Variants in FAT3 observed in about 807,000 individuals in gnomAD.
FAT3 encodes the protein FAT atypical cadherin 3, also known as protocadherin Fat 3.
FAT3 carries 95 observed loss-of-function variants against 310.2 expected under a neutral mutation model. That is an observed-to-expected ratio of 0.31 (90% CI 0.26 to 0.36). FAT3 has a LOEUF of 0.36. FAT3 is among the 10% of genes least tolerant of loss of function. The pLI is 1.00. For synonymous variants in FAT3, 2,314 were observed against 2,192.9 expected (o/e 1.06, Z -1.54); for missense variants, 5,408 against 5,715.6 (o/e 0.95, Z 1.74).
Position 92,798,198 on chromosome 11 carries a change from C to A in FAT3, c.5185C>A (p.Leu1729Met). The change falls in exon 10 of 28, where the codon CTG becomes ATG. Residue 1729 changes from leucine to methionine, a missense_variant. Coordinates refer to ENST00000525166, the MANE Select transcript of FAT3 (RefSeq NM_001367949.2). ...YSGVITTQKA[L>M]DYERTSSYQL... ...TGGAGTCATCACCACTCAGAAGGCC[C>A]TGGATTATGAGCGCACATCCTCTTA... 6.2e-7 allele frequency: 1 copy of A among 1,613,924 alleles called. No individual in the cohort carries two copies. Among genetic ancestry groups the A allele is most frequent in the Non-Finnish European group, 8.5e-7 (1 of 1,179,856 alleles).
intron 3 of FAT3, among the ~76,000 whole-genome samples, chr11:92,687,115 G>T (rs957726217): frequency 2.0e-5 from 3 of 152,076 alleles, no homozygotes; most frequent in Non-Finnish European, 4.4e-5. Context: ...GGCTATTAGG[G>T]TTTTTAATAA....
Position 92,716,428 on chromosome 11 carries a change from T to C in FAT3, c.3669+18983T>C, listed in dbSNP as rs542489289. ...ATATGAGCTGAGGACTGATCTACTC[T>C]TGACTTGTGCTTTGAGTTTCCAGTG... On this transcript the variant is annotated intron_variant, in intron 4 of 27. Coordinates refer to ENST00000525166, the MANE Select transcript of FAT3 (RefSeq NM_001367949.2). 1.4e-3 allele frequency among the ~76,000 whole-genome samples: 218 copies of C among 152,288 alleles called. 1 individual carries two copies. The highest frequency in any genetic ancestry group is 5.0e-3 in the African/African-American group (206 of 41,554).
At chr11:92,687,825 G>A (rs1419261845) in intron 3 of FAT3, among the ~76,000 whole-genome samples, 1 of 152,076 alleles carries the variant, frequency 6.6e-6, no homozygotes, top group Admixed American at 6.5e-5. Context: ...AAGTGAAATT[G>A]TAGCTGATGG....
intron 3 of FAT3, among the ~76,000 whole-genome samples, chr11:92,541,230 G>A (rs1028465004): frequency 6.6e-6 from 1 of 152,140 alleles, no homozygotes; most frequent in Non-Finnish European, 1.5e-5. Flanking sequence ...AAGCATGTGT[G>A]TACTTTATAC....
At chr11:92,591,887 G>C (rs1219897236) in intron 3 of FAT3, among the ~76,000 whole-genome samples, 1 of 152,032 alleles carries the variant, frequency 6.6e-6, no homozygotes, top group Non-Finnish European at 1.5e-5. Flanking sequence ...GACTACCTAG[G>C]CATTTATTCA....
At chr11:92,884,304 C>G (rs765094474) in intron 24 of FAT3, among the ~76,000 whole-genome samples, 8 of 152,140 alleles carry the variant, frequency 5.3e-5, no homozygotes, top group Non-Finnish European at 1.2e-4. Flanking sequence ...CTGGCTCTGG[C>G]TGATCCTAGG....
At chr11:92,624,144 C>T (rs530969975) in intron 3 of FAT3, among the ~76,000 whole-genome samples, 1 of 152,274 alleles carries the variant, frequency 6.6e-6, no homozygotes, top group African/African-American at 2.4e-5. Context: ...ACTATGGGAG[C>T]AGTTCAAGAA....
At chr11:92,428,206 G>A (rs1950678615) in intron 2 of FAT3, among the ~76,000 whole-genome samples, 1 of 151,286 alleles carries the variant, frequency 6.6e-6, no homozygotes, top group Admixed American at 6.6e-5. Context: ...TATTTCTGTG[G>A]GATCAGTGGT....
At chr11:92,850,592 T>C (rs1374269550) in intron 19 of FAT3, among the ~76,000 whole-genome samples, 1 of 152,220 alleles carries the variant, frequency 6.6e-6, no homozygotes, top group Non-Finnish European at 1.5e-5. Context: ...TATTGACTTA[T>C]GTGGCATTTG....
Position 92,801,641 on chromosome 11 carries a change from T to G in FAT3, c.8628T>G (p.Ser2876Arg). Residue 2876 changes from serine (S) to arginine (R), a missense_variant, in exon 10 of 28, where the codon AGT becomes AGG. Ser to Arg is a moderately radical substitution (Grantham distance 110, BLOSUM62 -1). Transcript: ENST00000525166. ...TTGACAGCAACACGGGCTGGATCAG[T>G]ACCTTGAAGGACCTAGATCACGAGA... is the stretch of plus-strand genomic sequence containing the variant. The part of the protein sequence containing the change: ...FNIDSNTGWI[S>R]TLKDLDHETD... 1 of 1,613,814 alleles carries G rather than the reference T, an allele frequency of 6.2e-7. No individual in the cohort carries two copies. The highest frequency in any genetic ancestry group is 1.1e-5 in the South Asian group (1 of 91,054).
intron 3 of FAT3, among the ~76,000 whole-genome samples, chr11:92,661,114 T>C (rs944560726): frequency 6.6e-6 from 1 of 152,124 alleles, no homozygotes; most frequent in African/African-American, 2.4e-5. Context: ...TTGGTAGTGT[T>C]GGAAATGGCT....
At chr11:92,610,757 C>T (rs748170736) in intron 3 of FAT3, among the ~76,000 whole-genome samples, 6 of 152,192 alleles carry the variant, frequency 3.9e-5, no homozygotes, top group African/African-American at 7.2e-5. Flanking sequence ...CTTCCCCTCA[C>T]TCCTACAAGC....
chr11:92,721,394 A>T (rs1414740747), intron 4 of FAT3, among the ~76,000 whole-genome samples: 1 of 152,214 alleles, frequency 6.6e-6, no homozygotes, highest in African/African-American at 2.4e-5. Context: ...TACACATTAA[A>T]CAGGTGAACT....
chr11:92,767,251 C>CA (rs572259436), intron 6 of FAT3, among the ~76,000 whole-genome samples: 1,522 of 58,518 alleles, frequency 0.026, 9 homozygotes, highest in Middle Eastern at 0.048. Flanking sequence ...GACTCTGTCT[C>CA]AAAAAAAAAA....
At chr11:92,696,749 T>C (rs191118862) in intron 3 of FAT3, among the ~76,000 whole-genome samples, 1 of 152,274 alleles carries the variant, frequency 6.6e-6, no homozygotes, top group East Asian at 1.9e-4. Context: ...CTCAAAGGGG[T>C]GATTCACTTA....
intron 4 of FAT3, among the ~76,000 whole-genome samples, chr11:92,703,331 T>C (rs1002480916): frequency 6.6e-6 from 1 of 152,248 alleles, no homozygotes; most frequent in Non-Finnish European, 1.5e-5. Context: ...AGAGAAGAAC[T>C]GCAGGCTCAT....
chr11:92,783,660 C>T (rs1005268152), intron 7 of FAT3, among the ~76,000 whole-genome samples: 2 of 151,684 alleles, frequency 1.3e-5, no homozygotes, highest in Non-Finnish European at 2.9e-5. Flanking sequence ...AAAAATTAGC[C>T]GGGCCTGGTG....
chr11:92,692,778 A>G (rs1226550171), intron 3 of FAT3, among the ~76,000 whole-genome samples: 1 of 152,216 alleles, frequency 6.6e-6, no homozygotes, highest in African/African-American at 2.4e-5. Flanking sequence ...GTCGCTCACA[A>G]AGCTGATAAT....
At chr11:92,480,286 C>T (rs1952184857) in intron 2 of FAT3, among the ~76,000 whole-genome samples, 1 of 151,994 alleles carries the variant, frequency 6.6e-6, no homozygotes, top group African/African-American at 2.4e-5. Context: ...CAAAACAAAA[C>T]AGTGCCAAGC....
Sources: allele counts gnomAD v4.1 joint callset (sites outside exome capture counted in the v4.1 genomes callset), GRCh38; gene constraint gnomAD v4.1.1; transcripts MANE v1.5; gene names NCBI Gene and HGNC (gene_info 2026-07-23, HGNC 2026-07-21).